RIMS2: variants seen among roughly 807,000 people sequenced by gnomAD.
RIMS2 encodes regulating synaptic membrane exocytosis 2, also known as regulating synaptic membrane exocytosis protein 2.
RIMS2 carries 59 observed loss-of-function variants against 174.4 expected under a neutral mutation model. The observed-to-expected ratio is 0.34, with a 90% confidence interval of 0.27 to 0.42. The LOEUF (loss-of-function observed/expected upper bound fraction) is 0.42, where lower values mean the gene tolerates loss of function less well. Ranked by LOEUF, RIMS2 falls within the 10% of genes least tolerant of loss-of-function variation. The pLI is 1.00. For synonymous variants in RIMS2, 606 were observed against 572.5 expected (o/e 1.06, Z -0.84); for missense variants, 1,620 against 1,666.3 (o/e 0.97, Z 0.48).
intron 1 of RIMS2, among the ~76,000 whole-genome samples, chr8:103,675,938 C>A (rs1038778458): frequency 2.0e-5 from 3 of 151,952 alleles, no homozygotes; most frequent in Non-Finnish European, 4.4e-5. Flanking sequence ...AGTTAAGCAA[C>A]AATTTGTCTT....
At chr8:103,951,754 C>T (rs1417163144) in intron 14 of RIMS2, among the ~76,000 whole-genome samples, 1 of 152,192 alleles carries the variant, frequency 6.6e-6, no homozygotes, top group Non-Finnish European at 1.5e-5. Context: ...CAAGACAGAA[C>T]CATTCACTCT....
At chr8:104,178,552 A>G (rs1157310069) in intron 19 of RIMS2, among the ~76,000 whole-genome samples, 2 of 152,128 alleles carry the variant, frequency 1.3e-5, no homozygotes, top group Non-Finnish European at 2.9e-5. Flanking sequence ...CAAGCTCCCA[A>G]TGTTAACACC....
chr8:103,925,219 A>G (rs1256369559), intron 10 of RIMS2, among the ~76,000 whole-genome samples: 3 of 151,562 alleles, frequency 2.0e-5, no homozygotes, highest in Admixed American at 1.3e-4. Flanking sequence ...ATCATATTTT[A>G]TTTCATTCAC....
intron 19 of RIMS2, among the ~76,000 whole-genome samples, chr8:104,025,931 A>T (rs146949470): frequency 6.6e-6 from 1 of 152,288 alleles, no homozygotes; most frequent in East Asian, 1.9e-4. Flanking sequence ...TCTAGGAGCA[A>T]TAAGCTATAT....
chr8:104,067,162 A>C (rs2154561145), intron 19 of RIMS2, among the ~76,000 whole-genome samples: 1 of 152,250 alleles, frequency 6.6e-6, no homozygotes, highest in Middle Eastern at 3.4e-3. Context: ...GCTTACGTCT[A>C]GCTGTCTTTA....
chr8:104,093,464 T>C lies in RIMS2; in HGVS notation c.3334+78849T>C, dbSNP rs776686736. On this transcript the variant is annotated intron_variant, in intron 19 of 23. Coordinates refer to ENST00000504942, the Ensembl canonical transcript of RIMS2. ...ACTTCTGCGTATTTGTCAATCTGTGTTAACAGTATCGATCAGGATGGGATC... is the reference window on the plus strand; with the variant it reads ...ACTTCTGCGTATTTGTCAATCTGTGCTAACAGTATCGATCAGGATGGGATC... 1 of 1,589,500 alleles carries C rather than the reference T, an allele frequency of 6.3e-7. No individual in the cohort carries two copies. The highest frequency in any genetic ancestry group is 1.1e-5 in the South Asian group (1 of 90,254).
chr8:103,789,054 C>A (rs1380580011), intron 3 of RIMS2, among the ~76,000 whole-genome samples: 1 of 152,196 alleles, frequency 6.6e-6, no homozygotes, highest in African/African-American at 2.4e-5. Context: ...TCCGTCACCC[C>A]TTTCTTTGAC....
At chr8:103,973,900 CCT>C (rs1196374740) in intron 15 of RIMS2, among the ~76,000 whole-genome samples, 7 of 152,052 alleles carry the variant, frequency 4.6e-5, no homozygotes, top group Non-Finnish European at 7.4e-5. Context: ...CACAGCTGTC[CCT>C]CTCTCTCTGG....
At chr8:103,926,704 T>G (rs976175410) in intron 10 of RIMS2, among the ~76,000 whole-genome samples, 1 of 151,432 alleles carries the variant, frequency 6.6e-6, no homozygotes, top group Non-Finnish European at 1.5e-5. Context: ...CCATAAGAAA[T>G]GTGAGGAATG....
At chr8:103,659,456 G>A (rs557399343) in intron 1 of RIMS2, among the ~76,000 whole-genome samples, 1 of 152,326 alleles carries the variant, frequency 6.6e-6, no homozygotes, top group African/African-American at 2.4e-5. Context: ...GCCCCAGGAA[G>A]AAGGTAGTCA....
At chr8:103,733,149 A>T (rs2097630419) in intron 2 of RIMS2, among the ~76,000 whole-genome samples, 1 of 151,928 alleles carries the variant, frequency 6.6e-6, no homozygotes, top group Admixed American at 6.6e-5. Flanking sequence ...GCAGGTGATG[A>T]TTCCTGCCAG....
At position 103,975,486 on chromosome 8, in the gene RIMS2, CA is replaced by C; in HGVS notation, c.2908del (p.Ser970ValfsTer20). 1 of 1,613,044 alleles carries C rather than the reference CA, an allele frequency of 6.2e-7. No individual in the cohort carries two copies. The highest frequency in any genetic ancestry group is 8.5e-7 in the Non-Finnish European group (1 of 1,179,142). On this transcript the variant is annotated frameshift_variant, in exon 16 of 24. Coordinates refer to ENST00000504942, the Ensembl canonical transcript of RIMS2. LOFTEE classifies it high-confidence loss of function. ...TAGGAAGGACTAGATCATGGTCACC[CA>C]GTGTCCCTCCTCCACAAAGGTAAGA...
intron 2 of RIMS2, among the ~76,000 whole-genome samples, chr8:103,730,283 T>TTA (rs150174162): frequency 0.12 from 18,443 of 151,296 alleles, 1,260 homozygotes; most frequent in Middle Eastern, 0.22. Flanking sequence ...TTTGCAATTG[T>TTA]TATATATATA....
intron 15 of RIMS2, among the ~76,000 whole-genome samples, chr8:103,962,703 ATCC>A (rs1294163095): frequency 2.0e-5 from 3 of 152,144 alleles, no homozygotes; most frequent in Middle Eastern, 3.2e-3. Context: ...AGCTCACTGC[ATCC>A]TCAACTTCCC....
At chr8:103,678,326 G>A (rs1251053156) in intron 1 of RIMS2, among the ~76,000 whole-genome samples, 1 of 151,990 alleles carries the variant, frequency 6.6e-6, no homozygotes, top group Non-Finnish European at 1.5e-5. Context: ...CTAGTCACTG[G>A]GATAAACTGG....
At chr8:104,217,277 T>G (rs377234752) in intron 19 of RIMS2, among the ~76,000 whole-genome samples, 1 of 131,780 alleles carries the variant, frequency 7.6e-6, no homozygotes, top group Non-Finnish European at 1.6e-5. Flanking sequence ...TTTGTTTTTT[T>G]GTTTTTTTTG....
At chr8:103,789,203 C>T (rs1278794053) in intron 3 of RIMS2, among the ~76,000 whole-genome samples, 2 of 152,038 alleles carry the variant, frequency 1.3e-5, no homozygotes, top group Admixed American at 6.6e-5. Context: ...CCCGGTACCT[C>T]AGATGGAAAT....
chr8:103,615,343 A>G (rs1161309936), intron 1 of RIMS2, among the ~76,000 whole-genome samples: 2 of 152,220 alleles, frequency 1.3e-5, no homozygotes, highest in Admixed American at 6.5e-5. Context: ...GAACAAAGAT[A>G]CAACTTACCA....
At chr8:104,171,901 G>A (rs1316104567) in intron 19 of RIMS2, among the ~76,000 whole-genome samples, 2 of 152,060 alleles carry the variant, frequency 1.3e-5, no homozygotes, top group Non-Finnish European at 2.9e-5. Flanking sequence ...GATATTTTAT[G>A]TGATGCCTCT....
Sources: allele counts gnomAD v4.1 joint callset (sites outside exome capture counted in the v4.1 genomes callset), GRCh38; gene constraint gnomAD v4.1.1; transcripts MANE v1.5; gene names NCBI Gene and HGNC (gene_info 2026-07-23, HGNC 2026-07-21).